SFI1: variants seen among roughly 807,000 people sequenced by gnomAD.
SFI1 encodes protein SFI1 homolog.
In SFI1, 195 loss-of-function variants were observed where a neutral mutation model predicts 207.5. That is an observed-to-expected ratio of 0.94 (90% CI 0.84 to 1.06). The LOEUF (loss-of-function observed/expected upper bound fraction) is 1.06, where lower values mean the gene tolerates loss of function less well. Among genes scored for constraint, SFI1 ranks in the 50% least tolerant of loss-of-function variants. The pLI, the probability that SFI1 is intolerant of heterozygous loss-of-function variation, is 0.00. For synonymous variants in SFI1, 630 were observed against 598.9 expected (o/e 1.05, Z -0.76); for missense variants, 1,634 against 1,588.0 (o/e 1.03, Z -0.49).
chr22:31,612,398 A>AAAATATATAT, intron 24 of SFI1: 1 of 60,200 alleles, frequency 1.7e-5, no homozygotes, highest in African/African-American at 6.6e-5. Flanking sequence ...AAAAAAAAAA[A>AAAATATATAT]ATATATATAT....
At chr22:31,564,848 C>G (rs904833818) in intron 8 of SFI1, among the ~76,000 whole-genome samples, 2 of 122,910 alleles carry the variant, frequency 1.6e-5, no homozygotes, top group Non-Finnish European at 3.3e-5. Flanking sequence ...GAGTCTTGCT[C>G]TGTCGCCCAG....
intron 4 of SFI1, among the ~76,000 whole-genome samples, chr22:31,545,082 G>C (rs576268855): frequency 2.0e-5 from 3 of 152,042 alleles, no homozygotes; most frequent in Non-Finnish European, 4.4e-5. Flanking sequence ...AAAATTTAGG[G>C]GGGGCTGGAT....
chr22:31,575,393 G>GTA lies in SFI1; in HGVS notation c.1084+3_1084+4dup. On this transcript the variant is annotated splice_donor_variant, in intron 10 of 32. Coordinates refer to ENST00000400288, the MANE Select transcript of SFI1 (RefSeq NM_001007467.3). LOFTEE classifies it high-confidence loss of function. Reference sequence around the variant, plus strand: ...CGCGCCTTTACTCACTGGAAACACTGTATCCTTTCAGATACTCAGGCTGTC... The same window carrying GTA: ...CGCGCCTTTACTCACTGGAAACACTGTATATCCTTTCAGATACTCAGGCTGTC... 1 of 1,598,570 alleles carries GTA rather than the reference G, an allele frequency of 6.3e-7. No homozygotes were observed. The highest frequency in any genetic ancestry group is 8.5e-7 in the Non-Finnish European group (1 of 1,172,052).
At chr22:31,584,088 G>C in intron 13 of SFI1, 116 bp downstream of exon 13, 1 of 871,894 alleles carries the variant, frequency 1.1e-6, no homozygotes, top group Non-Finnish European at 1.9e-6. Context: ...AGAAAGGCCT[G>C]CTGGGGTGGA....
chr22:31,542,032 C>T (rs2059568748), intron 4 of SFI1, among the ~76,000 whole-genome samples: 2 of 140,188 alleles, frequency 1.4e-5, no homozygotes, highest in East Asian at 2.2e-4. Context: ...ACCTGGGAGG[C>T]GGAGCTTGCA....
chr22:31,552,778 T>G (rs1263617762), intron 6 of SFI1, among the ~76,000 whole-genome samples: 1 of 152,198 alleles, frequency 6.6e-6, no homozygotes, highest in Non-Finnish European at 1.5e-5. Flanking sequence ...TTCAACTAAT[T>G]TATATTCCCA....
intron 31 of SFI1, among the ~76,000 whole-genome samples, chr22:31,617,438 G>C (rs1160517941): frequency 1.3e-5 from 2 of 152,072 alleles, no homozygotes; most frequent in Non-Finnish European, 2.9e-5. Flanking sequence ...GTGCAGAGAA[G>C]GGCCAGGCGC....
intron 15 of SFI1, among the ~76,000 whole-genome samples, chr22:31,597,778 T>C (rs936511705): frequency 4.6e-5 from 7 of 152,210 alleles, no homozygotes; most frequent in African/African-American, 1.7e-4. Flanking sequence ...TTGATATTCT[T>C]AGGGTATTTT....
At chr22:31,506,503 A>C (rs2054662981) in intron 1 of SFI1, among the ~76,000 whole-genome samples, 2 of 152,308 alleles carry the variant, frequency 1.3e-5, no homozygotes, top group South Asian at 4.1e-4. Flanking sequence ...GCATCTAGAC[A>C]TGAAGAAAGA....
chr22:31,589,802 T>TGC (rs2065591502), intron 15 of SFI1, among the ~76,000 whole-genome samples: 1 of 147,848 alleles, frequency 6.8e-6, no homozygotes, highest in Non-Finnish European at 1.5e-5. Context: ...TTTTTTTGTG[T>TGC]GTGTGTATAT....
chr22:31,593,328 C>G (rs1399126396), intron 15 of SFI1, among the ~76,000 whole-genome samples: 195 of 136,220 alleles, frequency 1.4e-3, no homozygotes, highest in African/African-American at 4.7e-3. Context: ...GGGTCTCGGC[C>G]GGGCAGAGGC....
intron 8 of SFI1, among the ~76,000 whole-genome samples, chr22:31,568,157 A>C (rs61277810): frequency 0.022 from 2,295 of 102,552 alleles, 25 homozygotes; most frequent in East Asian, 0.032. Flanking sequence ...CTCTCTCTCT[A>C]TATATATATG....
At chr22:31,567,168 G>A (rs1569330179) in intron 8 of SFI1, among the ~76,000 whole-genome samples, 1 of 152,278 alleles carries the variant, frequency 6.6e-6, no homozygotes, top group African/African-American at 2.4e-5. Flanking sequence ...GCCTCCCAAA[G>A]TGTTGGGATT....
At chr22:31,614,646 G>A (rs887917635) in intron 27 of SFI1, 143 bp from the exon 28 acceptor site, 4 of 893,912 alleles carry the variant, frequency 4.5e-6, no homozygotes, top group African/African-American at 3.3e-5. Flanking sequence ...TATGGCCCAG[G>A]CCCACCCCAG....
chr22:31,591,883 G>A (rs2066014999), intron 15 of SFI1, among the ~76,000 whole-genome samples: 1 of 65,146 alleles, frequency 1.5e-5, no homozygotes. Flanking sequence ...TCCCAGACGG[G>A]GTGGCTGGCC....
intron 12 of SFI1, among the ~76,000 whole-genome samples, chr22:31,582,221 TATATA>T (rs2064336191): frequency 2.9e-5 from 1 of 34,592 alleles, no homozygotes; most frequent in African/African-American, 1.0e-4. Flanking sequence ...TATATATATA[TATATA>T]TATATATATA....
In SFI1 at chr22:31,604,363, C is replaced by T. The variant is rs1197290341; in HGVS notation, c.1936C>T (p.His646Tyr). Residue 646 changes from histidine (H) to tyrosine (Y), a missense_variant, in exon 19 of 33, where the codon CAC (histidine) becomes TAC (tyrosine). Physicochemically the swap from His to Tyr is moderately conservative, Grantham distance 83. Transcript: ENST00000400288. Reference sequence around the variant, plus strand: ...GAAGCTGATGCGAGCAGACCTGCACCACCAGCACAGCGTGCTGCACAGGGC... The same window carrying T: ...GAAGCTGATGCGAGCAGACCTGCACTACCAGCACAGCGTGCTGCACAGGGC... ...RQKLMRADLHHQHSVLHRALQ... is the reference protein window; with the variant it reads ...RQKLMRADLHYQHSVLHRALQ... 1.9e-6 allele frequency: 3 copies of T among 1,576,954 alleles called. No homozygotes were observed. Among genetic ancestry groups the T allele is most frequent in the South Asian group, 1.2e-5 (1 of 86,302 alleles).
intron 22 of SFI1, among the ~76,000 whole-genome samples, chr22:31,608,619 A>G (rs1260938951): frequency 6.6e-6 from 1 of 150,516 alleles, no homozygotes; most frequent in African/African-American, 2.5e-5. Context: ...TTAAAATGGA[A>G]GGCTAGAGCT....
At chr22:31,596,137 C>G (rs546775419) in intron 15 of SFI1, among the ~76,000 whole-genome samples, 1 of 152,258 alleles carries the variant, frequency 6.6e-6, no homozygotes, top group East Asian at 1.9e-4. Context: ...CTTATAATCC[C>G]AGCTACTCCG....
Sources: allele counts gnomAD v4.1 joint callset (sites outside exome capture counted in the v4.1 genomes callset), GRCh38; gene constraint gnomAD v4.1.1; transcripts MANE v1.5; gene names NCBI Gene and HGNC (gene_info 2026-07-23, HGNC 2026-07-21).